Variants in SMOC2 observed in about 807,000 individuals in gnomAD.
SMOC2 encodes SPARC related modular calcium binding 2.
Under a neutral mutation model 61.4 loss-of-function variants are expected in SMOC2, and 39 were observed. That is an observed-to-expected ratio of 0.64 (90% CI 0.49 to 0.83). The LOEUF (loss-of-function observed/expected upper bound fraction) is 0.83. Among genes scored for constraint, SMOC2 ranks in the 40% least tolerant of loss-of-function variants. The probability of loss-of-function intolerance (pLI) is 0.00; values close to 1 mark genes in which losing one functional copy is unlikely to be tolerated. For synonymous variants in SMOC2, 247 were observed against 239.9 expected, an observed-to-expected ratio of 1.03 and a Z score of -0.27; for missense variants, 556 against 592.9, an observed-to-expected ratio of 0.94 and a Z score of 0.65.
At chr6:168,645,136 G>T (rs1786989580) in intron 9 of SMOC2, among the ~76,000 whole-genome samples, 1 of 152,186 alleles carries the variant, frequency 6.6e-6, no homozygotes, top group African/African-American at 2.4e-5. Flanking sequence ...TCGCAAAGGA[G>T]AAATTCTCAG....
intron 11 of SMOC2, among the ~76,000 whole-genome samples, chr6:168,660,313 C>A (rs1378410238): frequency 2.0e-5 from 3 of 152,146 alleles, no homozygotes; most frequent in Non-Finnish European, 4.4e-5. Flanking sequence ...AGCCGCATAT[C>A]CTGATTTCAA....
chr6:168,617,665 G>A (rs1786129307), intron 9 of SMOC2, among the ~76,000 whole-genome samples: 1 of 152,202 alleles, frequency 6.6e-6, no homozygotes, highest in African/African-American at 2.4e-5. Context: ...ACTGTAAGTA[G>A]ATTCTGATCC....
intron 1 of SMOC2, among the ~76,000 whole-genome samples, chr6:168,445,510 G>A (rs1259792125): frequency 6.6e-6 from 1 of 152,194 alleles, no homozygotes; most frequent in African/African-American, 2.4e-5. Flanking sequence ...TGCTGAAACA[G>A]CCAAAATAAA....
chr6:168,578,616 G>T (rs535590065), intron 7 of SMOC2, among the ~76,000 whole-genome samples: 1 of 152,332 alleles, frequency 6.6e-6, no homozygotes, highest in East Asian at 1.9e-4. Flanking sequence ...GAACAAGCAT[G>T]GCTTCGTTCT....
At position 168,550,237 on chromosome 6, in the gene SMOC2, C is replaced by A. The variant is rs576409520; in HGVS notation, c.637+1034C>A. On this transcript the variant is annotated intron_variant, in intron 7 of 12. Transcript: ENST00000356284. ...CGGAGTTAGTAACAGCTTGAATTTT[C>A]TGCGATCAGCTTTGGGTGAAAAAAT... 5.3e-5 allele frequency among the ~76,000 whole-genome samples: 8 copies of A among 152,278 alleles called. No individual in the cohort carries two copies. In the East Asian group the frequency reaches 7.7e-4, roughly 15 times the overall value.
chr6:168,523,471 T>C (rs753067336), intron 2 of SMOC2, among the ~76,000 whole-genome samples: 3 of 151,712 alleles, frequency 2.0e-5, no homozygotes, highest in Non-Finnish European at 4.4e-5. Context: ...CACTGCAATC[T>C]CTGCCTCCCA....
intron 2 of SMOC2, among the ~76,000 whole-genome samples, chr6:168,520,796 T>C (rs2115066869): frequency 6.6e-6 from 1 of 152,346 alleles, no homozygotes; most frequent in African/African-American, 2.4e-5. Context: ...TGTGTTTATG[T>C]TATTCGATTC....
rs527896401 is a variant in SMOC2 at position 168,599,684 on chromosome 6, T to A, written c.824+680T>A. ...CACTCACACACTCCCCTACACACTC[T>A]CACACTCTCACACACACACCCACAG... On this transcript the variant is annotated intron_variant, in intron 8 of 12. Coordinates refer to ENST00000356284, the MANE Select transcript of SMOC2 (RefSeq NM_001166412.2). Among the ~76,000 whole-genome samples the A allele has an allele frequency of 8.5e-3, 743 of 87,402 alleles. 10 individuals are homozygous for A. Among genetic ancestry groups the A allele is most frequent in the African/African-American group, 0.03 (662 of 21,810 alleles). The allele number at this position is 87,402 out of a possible 152,430, so 57.3% of individuals were successfully genotyped here.
At chr6:168,505,813 T>G (rs1782860391) in intron 1 of SMOC2, among the ~76,000 whole-genome samples, 1 of 152,108 alleles carries the variant, frequency 6.6e-6, no homozygotes, top group African/African-American at 2.4e-5. Flanking sequence ...CAGGCTTGAG[T>G]CTGTAGCCCC....
At chr6:168,579,685 G>T (rs1365801009) in intron 7 of SMOC2, among the ~76,000 whole-genome samples, 1 of 152,202 alleles carries the variant, frequency 6.6e-6, no homozygotes, top group African/African-American at 2.4e-5. Flanking sequence ...CCAAGTTCCA[G>T]TCCTTGGGGG....
At chr6:168,529,827 C>T (rs999019756) in intron 4 of SMOC2, among the ~76,000 whole-genome samples, 1 of 152,210 alleles carries the variant, frequency 6.6e-6, no homozygotes, top group Non-Finnish European at 1.5e-5. Flanking sequence ...GAGAAGCGGG[C>T]ATCACCTGTG....
In SMOC2 at chr6:168,571,398, C is replaced by G. The variant is rs187757269; in HGVS notation, c.637+22195C>G. On this transcript the variant is annotated intron_variant, in intron 7 of 12. Coordinates refer to ENST00000356284, the MANE Select transcript of SMOC2 (RefSeq NM_001166412.2). ...ATGTTACTCCACCATGTGCTCCATACATAACCATCTCAGGTTATTGGAAAA... is the reference window on the plus strand; with the variant it reads ...ATGTTACTCCACCATGTGCTCCATAGATAACCATCTCAGGTTATTGGAAAA... Among the ~76,000 whole-genome samples, 57 of 152,276 alleles carry G rather than the reference C, an allele frequency of 3.7e-4. 1 individual carries two copies. Among genetic ancestry groups the G allele is most frequent in the Admixed American group, 3.7e-3 (56 of 15,300 alleles).
chr6:168,493,916 CA>C (rs1782527451), intron 1 of SMOC2, among the ~76,000 whole-genome samples: 1 of 152,032 alleles, frequency 6.6e-6, no homozygotes, highest in African/African-American at 2.4e-5. Flanking sequence ...GAATAACTTC[CA>C]GAGGAGTTGT....
At chr6:168,478,285 C>T (rs1441513523) in intron 1 of SMOC2, among the ~76,000 whole-genome samples, 1 of 152,014 alleles carries the variant, frequency 6.6e-6, no homozygotes, top group African/African-American at 2.4e-5. Context: ...CAAAATGTCT[C>T]CTGGTGTAGC....
chr6:168,647,471 CA>C (rs1787065941), intron 9 of SMOC2, among the ~76,000 whole-genome samples: 1 of 152,186 alleles, frequency 6.6e-6, no homozygotes, highest in Non-Finnish European at 1.5e-5. Flanking sequence ...CAAGGGTTGG[CA>C]GGGGGCCAGC....
At chr6:168,556,922 A>G (rs1784266526) in intron 7 of SMOC2, among the ~76,000 whole-genome samples, 1 of 151,570 alleles carries the variant, frequency 6.6e-6, no homozygotes, top group South Asian at 2.1e-4. Context: ...ACCCATTAAA[A>G]ACAGTTCTGT....
chr6:168,642,848 T>G (rs1396597338), intron 9 of SMOC2, among the ~76,000 whole-genome samples: 1 of 152,214 alleles, frequency 6.6e-6, no homozygotes, highest in Non-Finnish European at 1.5e-5. Context: ...AAGCCAAGTG[T>G]TACATGTAAT....
intron 2 of SMOC2, among the ~76,000 whole-genome samples, chr6:168,518,842 CGTGT>C (rs1249962081): frequency 6.0e-5 from 9 of 150,092 alleles, no homozygotes; most frequent in African/African-American, 2.2e-4. Context: ...AGTGTGCATG[CGTGT>C]GTGTGCCTCC....
chr6:168,592,599 G>T (rs868039458), intron 7 of SMOC2, among the ~76,000 whole-genome samples: 2 of 126,560 alleles, frequency 1.6e-5, no homozygotes, highest in Admixed American at 8.1e-5. Context: ...CTAGAGGATC[G>T]CGGAGCTCCT....
Sources: gnomAD v4.1 joint callset for allele counts (sites outside exome capture counted in the v4.1 genomes callset) on GRCh38, gnomAD v4.1.1 for gene constraint, MANE v1.5 for transcripts, NCBI Gene and HGNC (gene_info 2026-07-23, HGNC 2026-07-21) for gene names.